Variants in PDE4B observed in about 807,000 individuals in gnomAD.
The protein encoded by PDE4B is phosphodiesterase 4B.
A neutral mutation model predicts 82.2 loss-of-function variants in PDE4B; 20 were observed. The ratio of observed to expected loss-of-function variants is 0.24; its 90% CI spans 0.17 to 0.35. The LOEUF (loss-of-function observed/expected upper bound fraction) is 0.35. Among genes scored for constraint, PDE4B ranks in the 10% least tolerant of loss-of-function variants. The probability of loss-of-function intolerance (pLI) is 1.00; values close to 1 mark genes in which losing one functional copy is unlikely to be tolerated. For synonymous variants in PDE4B, 320 were observed against 318.9 expected (o/e 1.00, Z -0.04); for missense variants, 655 against 907.2 (o/e 0.72, Z 3.57).
intron 3 of PDE4B, among the ~76,000 whole-genome samples, chr1:66,079,970 C>T (rs568054188): frequency 4.6e-5 from 7 of 151,972 alleles, no homozygotes; most frequent in South Asian, 4.1e-4. Flanking sequence ...CTGTTTTAAA[C>T]GTTTATTAAT....
chr1:65,924,996 T>C (rs1647421817), intron 3 of PDE4B, among the ~76,000 whole-genome samples: 1 of 152,216 alleles, frequency 6.6e-6, no homozygotes, highest in African/African-American at 2.4e-5. Context: ...GGGAGGGGAT[T>C]CTGCAAAGGA....
In PDE4B at chr1:65,846,730, TGTTA is replaced by T. The variant is rs533611408; in HGVS notation, c.-71+53488_-71+53491del. 3.4e-3 allele frequency among the ~76,000 whole-genome samples: 512 copies of T among 152,310 alleles called. 4 individuals are homozygous for T. The highest frequency in any genetic ancestry group is 0.012 in the African/African-American group (481 of 41,570). On this transcript the variant is annotated intron_variant, in intron 1 of 16. Coordinates refer to ENST00000341517, the MANE Select transcript of PDE4B (RefSeq NM_002600.4). ...TCTAGAATTCTAGCTGTGTATCTAGTGTTAGTTAGAGTTACTTCATTTATAGTTA... is the reference window on the plus strand; with the variant it reads ...TCTAGAATTCTAGCTGTGTATCTAGTGTTAGAGTTACTTCATTTATAGTTA...
intron 8 of PDE4B, among the ~76,000 whole-genome samples, chr1:66,343,779 T>C (rs976870602): frequency 2.6e-5 from 4 of 152,230 alleles, no homozygotes; most frequent in African/African-American, 9.6e-5. Flanking sequence ...ATGGCACTTT[T>C]AATAGATTAT....
chr1:66,185,110 G>A (rs1450124004), intron 3 of PDE4B, among the ~76,000 whole-genome samples: 7 of 152,096 alleles, frequency 4.6e-5, no homozygotes, highest in South Asian at 2.1e-4. Flanking sequence ...TTGTCCTTGC[G>A]ATAGTTTGCT....
chr1:65,831,595 A>G (rs2101295500), intron 1 of PDE4B, among the ~76,000 whole-genome samples: 1 of 152,328 alleles, frequency 6.6e-6, no homozygotes, highest in South Asian at 2.1e-4. Context: ...TGAAACATTT[A>G]GGATAAAATA....
chr1:65,943,597 G>C (rs1648553759), intron 3 of PDE4B, among the ~76,000 whole-genome samples: 1 of 151,910 alleles, frequency 6.6e-6, no homozygotes, highest in South Asian at 2.1e-4. Flanking sequence ...TGGATAGTAT[G>C]GACATTTTAA....
intron 7 of PDE4B, among the ~76,000 whole-genome samples, chr1:66,303,855 T>C (rs571105775): frequency 3.3e-5 from 5 of 152,296 alleles, no homozygotes; most frequent in African/African-American, 1.2e-4. Flanking sequence ...CCAAGCTTCA[T>C]GCCAAACCTC....
At chr1:66,216,533 T>A (rs991177996) in intron 3 of PDE4B, among the ~76,000 whole-genome samples, 7 of 152,170 alleles carry the variant, frequency 4.6e-5, no homozygotes, top group African/African-American at 1.7e-4. Context: ...TCATTTTCAG[T>A]AGACCTAGCC....
chr1:66,194,116 C>T (rs551678), intron 3 of PDE4B, among the ~76,000 whole-genome samples: 117,449 of 151,860 alleles, frequency 0.77, 45,862 homozygotes, highest in East Asian at 0.88. Context: ...AAACAGCTCA[C>T]ATAATGACTC....
intron 1 of PDE4B, among the ~76,000 whole-genome samples, chr1:65,895,549 CAAA>C (rs10605148): frequency 0.14 from 12,381 of 91,638 alleles, 369 homozygotes; most frequent in Middle Eastern, 0.19. Flanking sequence ...GACACTGTCT[CAAA>C]AAAAAAAAAA....
chr1:66,343,815 G>A (rs1661195331), intron 8 of PDE4B, among the ~76,000 whole-genome samples: 1 of 152,160 alleles, frequency 6.6e-6, no homozygotes, highest in South Asian at 2.1e-4. Context: ...TGCTGGCATG[G>A]GTAATGACCT....
intron 3 of PDE4B, among the ~76,000 whole-genome samples, chr1:65,967,963 C>T (rs530257757): frequency 1.3e-5 from 2 of 152,016 alleles, no homozygotes; most frequent in East Asian, 1.9e-4. Flanking sequence ...CATGTGTATA[C>T]CTATGTAACA....
chr1:65,971,651 T>A (rs969107960), intron 3 of PDE4B, among the ~76,000 whole-genome samples: 2 of 152,194 alleles, frequency 1.3e-5, no homozygotes, highest in Non-Finnish European at 2.9e-5. Flanking sequence ...GAGAGTGATA[T>A]TTATTCCAAC....
intron 1 of PDE4B, among the ~76,000 whole-genome samples, chr1:65,814,381 T>C (rs989565763): frequency 6.6e-6 from 1 of 152,236 alleles, no homozygotes; most frequent in Admixed American, 6.5e-5. Flanking sequence ...AAAAGATGAA[T>C]GTAATATATA....
chr1:66,029,508 A>T (rs1027908236), intron 3 of PDE4B, among the ~76,000 whole-genome samples: 16 of 152,218 alleles, frequency 1.1e-4, no homozygotes, highest in African/African-American at 3.9e-4. Flanking sequence ...ATTTTACAGC[A>T]AACTTTTTCA....
At chr1:65,971,332 C>A (rs1650128333) in intron 3 of PDE4B, among the ~76,000 whole-genome samples, 1 of 152,088 alleles carries the variant, frequency 6.6e-6, no homozygotes, top group African/African-American at 2.4e-5. Context: ...CTATATAAAA[C>A]ATCTCCATTA....
chr1:65,970,949 T>A (rs965144855), intron 3 of PDE4B, among the ~76,000 whole-genome samples: 2 of 150,812 alleles, frequency 1.3e-5, no homozygotes, highest in African/African-American at 4.9e-5. Context: ...TGAGTTTGCC[T>A]CAAATAAGAA....
intron 3 of PDE4B, among the ~76,000 whole-genome samples, chr1:66,193,607 T>G (rs960099649): frequency 1.3e-5 from 2 of 152,154 alleles, no homozygotes; most frequent in African/African-American, 4.8e-5. Flanking sequence ...TTATGAAGCT[T>G]AATGCGTGAA....
At chr1:65,824,110 A>T (rs1645987376) in intron 1 of PDE4B, among the ~76,000 whole-genome samples, 1 of 152,178 alleles carries the variant, frequency 6.6e-6, no homozygotes, top group Non-Finnish European at 1.5e-5. Flanking sequence ...GAATGAATAA[A>T]ATCATGCAAT....
Sources: gnomAD v4.1 joint callset for allele counts (sites outside exome capture counted in the v4.1 genomes callset) on GRCh38, gnomAD v4.1.1 for gene constraint, MANE v1.5 for transcripts, NCBI Gene and HGNC (gene_info 2026-07-23, HGNC 2026-07-21) for gene names.